Variants in WNK4 observed in about 807,000 individuals in gnomAD.
The protein encoded by WNK4 is WNK lysine deficient protein kinase 4.
A neutral mutation model predicts 116.2 loss-of-function variants in WNK4; 94 were observed. That is an observed-to-expected ratio of 0.81 (90% confidence interval 0.68 to 0.96). The LOEUF is 0.96. Ranked by LOEUF, WNK4 falls within the 40% of genes least tolerant of loss-of-function variation. WNK4 has a pLI of 0.00. For missense variants in WNK4, 1,542 were observed against 1,650.6 expected, an observed-to-expected ratio of 0.93 and a Z score of 1.14; for synonymous variants, 655 against 672.7, an observed-to-expected ratio of 0.97 and a Z score of 0.41.
intron 11 of WNK4, among the ~76,000 whole-genome samples, chr17:42,791,971 T>C (rs1188595746): frequency 6.6e-6 from 1 of 151,598 alleles, no homozygotes; most frequent in Non-Finnish European, 1.5e-5. Flanking sequence ...AAAATAATAA[T>C]GTACCATGCC....
In WNK4 at chr17:42,795,046, A is replaced by C; in HGVS notation, c.2625A>C (p.Pro875=). 1 of 1,607,954 alleles carries C rather than the reference A, an allele frequency of 6.2e-7. No homozygotes were observed. Residue 875 remains proline (P), a synonymous_variant, in exon 14 of 19, where the codon CCA becomes CCC. Transcript: ENST00000246914. Reference sequence around the variant, plus strand: ...CCAGCACACCCGAGTTTCCGGTCCCACTCTCTCAGTGTCCCTGGAGTTCTC... The same window carrying C: ...CCAGCACACCCGAGTTTCCGGTCCCCCTCTCTCAGTGTCCCTGGAGTTCTC... The part of the protein sequence containing the change: ...FSSSTPEFPV[P]LSQCPWSSLP...
intron 11 of WNK4, among the ~76,000 whole-genome samples, chr17:42,791,758 G>A (rs1050109250): frequency 2.0e-5 from 3 of 151,600 alleles, no homozygotes; most frequent in Admixed American, 1.3e-4. Flanking sequence ...TCAGGAGTTC[G>A]AGACCAGCCT....
In WNK4 at chr17:42,780,840, G is replaced by A. The variant is rs757050478; in HGVS notation, c.142G>A (p.Gly48Arg). The A allele has an allele frequency of 4.4e-6, 7 of 1,601,792 alleles. No individual in the cohort carries two copies. The African/African-American group carries it at 6.7e-5, about 15-fold the overall frequency. Residue 48 changes from glycine to arginine, a missense_variant, in exon 1 of 19, where the codon GGG becomes AGG. Physicochemically the swap from Gly to Arg is moderately radical, Grantham distance 125. This residue lies in a region of WNK4 where 243 missense variants were observed against 217.8 expected (regional missense o/e 1.12). Transcript: ENST00000246914. ...PPPRRARRFS[G>R]KAEPRPRSSR... ...TCCTCGCCGAGCGCGCCGCTTCTCC[G>A]GGAAGGCTGAGCCCCGGCCGCGCTC...
chr17:42,782,620 C>A lies in WNK4; in HGVS notation c.619-138C>A. On this transcript the variant is annotated intron_variant, in intron 1 of 18. Coordinates refer to ENST00000246914, the MANE Select transcript of WNK4 (RefSeq NM_032387.5). This position sits in a 1 kb window ranked among gnomAD's most constrained non-coding sequence, Gnocchi z 4.2. ...TGGAGAGTTCAGGGTCTGCAGCCCACTGGGCAAGTAATCCCATTAACCCCA... is the reference window on the plus strand; with the variant it reads ...TGGAGAGTTCAGGGTCTGCAGCCCAATGGGCAAGTAATCCCATTAACCCCA... 1 of 991,726 alleles carries A rather than the reference C, an allele frequency of 1.0e-6. No individual in the cohort carries two copies. 61.4% of individuals were successfully genotyped at this position (991,726 alleles called of 1,614,324 possible).
chr17:42,786,980 A>G (rs2054555963), intron 6 of WNK4, among the ~76,000 whole-genome samples: 1 of 152,196 alleles, frequency 6.6e-6, no homozygotes, highest in Non-Finnish European at 1.5e-5. Context: ...GCAACTAAAA[A>G]TGTCTCTAGA....
intron 12 of WNK4, chr17:42,794,214 A>G (rs1476247567): frequency 1.3e-5 from 4 of 313,824 alleles, no homozygotes; most frequent in Non-Finnish European, 2.4e-5. Flanking sequence ...CTTGTTCTAG[A>G]AAACTTGTTC....
At position 42,784,250 on chromosome 17, in the gene WNK4, G is replaced by A; in HGVS notation, c.1012+93G>A. The A allele has an allele frequency of 6.4e-7, 1 of 1,572,508 alleles. No homozygotes were observed. Among genetic ancestry groups the A allele is most frequent in the Middle Eastern group, 1.7e-4 (1 of 5,980 alleles). Reference sequence around the variant, plus strand: ...CCTCCCCTCAGCAAGGGCCTTCAAGGTCCACAAAACTACCAGACGACAGGG... The same window carrying A: ...CCTCCCCTCAGCAAGGGCCTTCAAGATCCACAAAACTACCAGACGACAGGG... On this transcript the variant is annotated intron_variant, in intron 3 of 18. Coordinates refer to ENST00000246914, the MANE Select transcript of WNK4 (RefSeq NM_032387.5). The surrounding 1 kb of genome is among the most constrained non-coding windows in gnomAD (Gnocchi z 4.4).
At chr17:42,783,797 G>T (rs1228438431) in intron 2 of WNK4, 140 bp from the exon 3 acceptor site, 1 of 805,360 alleles carries the variant, frequency 1.2e-6, no homozygotes, top group African/African-American at 1.7e-5. Context: ...CCTGGGGCCG[G>T]GCAGACATAG....
At chr17:42,790,147 G>A (rs991969123) in intron 11 of WNK4, among the ~76,000 whole-genome samples, 1 of 152,200 alleles carries the variant, frequency 6.6e-6, no homozygotes, top group Non-Finnish European at 1.5e-5. Context: ...GGACAAAGGA[G>A]AGAGTGGCTT....
intron 2 of WNK4, 48 bp from the exon 3 acceptor site, chr17:42,783,889 G>C: frequency 6.4e-7 from 1 of 1,558,396 alleles, no homozygotes; most frequent in South Asian, 1.1e-5. Flanking sequence ...GCTCCTTCCC[G>C]GAGGACGTGT....
Position 42,795,946 on chromosome 17 carries a change from A to G in WNK4, c.3344A>G (p.Tyr1115Cys), listed in dbSNP as rs1172737624. ...HPSPVWMNYS[Y>C]SSLCLSSEES... ...AGCCCAGTGTGGATGAACTACTCCT[A>G]CAGCAGCCTGTGTTTGAGCAGCGAG... Residue 1115 changes from tyrosine (Y) to cysteine (C), a missense_variant, in exon 16 of 19, where the codon TAC becomes TGC. Around this residue, in one of 7 missense-constraint regions of WNK4, gnomAD observed 3 missense variants for 17.3 expected, o/e 0.17. Coordinates refer to ENST00000246914, the MANE Select transcript of WNK4 (RefSeq NM_032387.5). The G allele has an allele frequency of 6.2e-7, 1 of 1,613,286 alleles. No homozygotes were observed. The highest frequency in any genetic ancestry group is 1.1e-5 in the South Asian group (1 of 91,070).
Position 42,795,180 on chromosome 17 carries a change from C to A in WNK4, c.2759C>A (p.Ala920Glu). ...ACTTCTTCCTTCCCCTCCACCACAG[C>A]AGCCCCTCTCCTTTCTCTGGCTAGT... Reference protein sequence around the residue: ...PSTSSFPSTTAAPLLSLASAF... With the variant: ...PSTSSFPSTTEAPLLSLASAF... The change falls in exon 14 of 19, where the codon GCA becomes GAA. Residue 920 changes from alanine (A) to glutamate (E), a missense_variant. Transcript: ENST00000246914. The A allele has an allele frequency of 1.2e-6, 2 of 1,614,054 alleles. No individual in the cohort carries two copies. Among genetic ancestry groups the A allele is most frequent in the Non-Finnish European group, 1.7e-6 (2 of 1,180,004 alleles).
At chr17:42,785,992 T>C (rs2054545881) in intron 6 of WNK4, among the ~76,000 whole-genome samples, 1 of 152,224 alleles carries the variant, frequency 6.6e-6, no homozygotes. Context: ...AGACTGTGTT[T>C]TATCGATTCT....
In WNK4 at chr17:42,781,152, C is replaced by A; in HGVS notation, c.454C>A (p.Arg152=). The change falls in exon 1 of 19, where the codon CGG becomes AGG. Residue 152 remains arginine (R), a synonymous_variant. Coordinates refer to ENST00000246914, the MANE Select transcript of WNK4 (RefSeq NM_032387.5). ...VPEAVALERR[R]EQEEKEDMET... ...TGAAGCTGTGGCCCTAGAGCGGCGG[C>A]GGGAGCAGGAAGAAAAGGAGGACAT... 1 of 1,613,980 alleles carries A rather than the reference C, an allele frequency of 6.2e-7. No homozygotes were observed. The highest frequency in any genetic ancestry group is 8.5e-7 in the Non-Finnish European group (1 of 1,179,968).
chr17:42,785,793 T>G (rs1218171267), intron 6 of WNK4, among the ~76,000 whole-genome samples: 1 of 152,176 alleles, frequency 6.6e-6, no homozygotes, highest in Non-Finnish European at 1.5e-5. Context: ...CCATTTTTCT[T>G]TTTCTTTTTC....
Position 42,784,742 on chromosome 17 carries a change from C to G in WNK4, c.1170+163C>G, listed in dbSNP as rs2054524797. Reference sequence around the variant, plus strand: ...ATATTGAGTGCACACGCGCCCCCACCAGTACACGCTATTTAGAATAATAAT... The same window carrying G: ...ATATTGAGTGCACACGCGCCCCCACGAGTACACGCTATTTAGAATAATAAT... On this transcript the variant is annotated intron_variant, in intron 4 of 18. Transcript: ENST00000246914. The surrounding 1 kb of genome is among the most constrained non-coding windows in gnomAD (Gnocchi z 4.4). Among the ~76,000 whole-genome samples the G allele has an allele frequency of 6.6e-6, 1 of 152,144 alleles. No individual in the cohort carries two copies. The highest frequency in any genetic ancestry group is 2.4e-5 in the African/African-American group (1 of 41,384).
intron 15 of WNK4, 22 bp from the exon 16 acceptor site, chr17:42,795,603 C>T (rs1179926891): frequency 1.2e-6 from 2 of 1,614,070 alleles, no homozygotes; most frequent in East Asian, 2.2e-5. Flanking sequence ...TTCCTCATGC[C>T]TTCTTCCTCG....
chr17:42,788,468 G>A (rs1247961026), intron 10 of WNK4, 61 bp downstream of exon 10: 1 of 1,527,436 alleles, frequency 6.5e-7, no homozygotes, highest in African/African-American at 1.4e-5. Flanking sequence ...AGTGTCAGGG[G>A]GAGGCGGGGG....
Position 42,788,814 on chromosome 17 carries a change from T to A in WNK4, c.2157+17T>A. The stretch of plus-strand genomic sequence containing the variant: ...GCTGCCATGGTGAGGGGGAGAGAGA[T>A]GAGGACAGAGTGTTTGGATCTGGAA... On this transcript the variant is annotated intron_variant, in intron 11 of 18. Coordinates refer to ENST00000246914, the MANE Select transcript of WNK4 (RefSeq NM_032387.5). 2 of 1,575,924 alleles carry A rather than the reference T, an allele frequency of 1.3e-6. No homozygotes were observed. Among genetic ancestry groups the A allele is most frequent in the Non-Finnish European group, 1.7e-6 (2 of 1,145,342 alleles).
Sources: allele counts gnomAD v4.1 joint callset (sites outside exome capture counted in the v4.1 genomes callset), GRCh38; gene constraint gnomAD v4.1.1; regional missense constraint gnomAD v4.1.1; non-coding constraint Gnocchi (gnomAD v3.1); transcripts MANE v1.5; gene names NCBI Gene and HGNC (gene_info 2026-07-23, HGNC 2026-07-21).